The following KDM4C variants were observed in gnomAD, a reference collection of about 807,000 sequenced individuals.
The protein encoded by KDM4C is lysine demethylase 4C, also known as lysine-specific demethylase 4C.
KDM4C carries 81 observed loss-of-function variants against 129.3 expected under a neutral mutation model. The ratio of observed to expected loss-of-function variants is 0.63; its 90% confidence interval spans 0.52 to 0.75. KDM4C has a LOEUF of 0.75. Among genes scored for constraint, KDM4C ranks in the 30% least tolerant of loss-of-function variants. KDM4C has a pLI of 0.00. For synonymous variants in KDM4C, 573 were observed against 456.1 expected (o/e 1.26, Z -3.26); for missense variants, 1,457 against 1,304.0 (o/e 1.12, Z -1.81).
At position 6,939,959 on chromosome 9, in the gene KDM4C, A is replaced by AATCTATCTATCTACCTACCT. The variant is rs149769129; in HGVS notation, c.922-40965_922-40964insTCTATCTATCTACCTACCTA. On this transcript the variant is annotated intron_variant, in intron 8 of 21. Coordinates refer to ENST00000381309, the MANE Select transcript of KDM4C (RefSeq NM_015061.6). ...CCCATGTGCTTTAAATCCAATAACC[A>AATCTATCTATCTACCTACCT]ACCTACCTACCTACCTACCTTCCTT... 4.4e-5 allele frequency among the ~76,000 whole-genome samples: 5 copies of AATCTATCTATCTACCTACCT among 112,518 alleles called. No homozygotes were observed. In the South Asian group the frequency reaches 9.9e-4, roughly 22 times the overall value. 73.8% of individuals were successfully genotyped at this position (112,518 alleles called of 152,430 possible).
intron 5 of KDM4C, among the ~76,000 whole-genome samples, chr9:6,852,666 T>G (rs557750731): frequency 6.6e-6 from 1 of 152,302 alleles, no homozygotes; most frequent in East Asian, 1.9e-4. Context: ...GCTTGACATA[T>G]CTGTCACTAT....
rs141459674 is a variant in KDM4C, at chr9:7,043,478, A to G, written c.2260-3384A>G. Among the ~76,000 whole-genome samples, 33 of 152,194 alleles carry G rather than the reference A, an allele frequency of 2.2e-4. 1 individual carries two copies. In the East Asian group the frequency reaches 6.4e-3, roughly 29 times the overall value. On this transcript the variant is annotated intron_variant, in intron 15 of 21. Coordinates refer to ENST00000381309, the MANE Select transcript of KDM4C (RefSeq NM_015061.6). ...TTCTGTTCTCTGACAGTAAAGTACT[A>G]TTTAAAAAAGGAAAGAAAGGTTAAA...
chr9:6,930,877 G>A (rs1157629473), intron 8 of KDM4C, among the ~76,000 whole-genome samples: 6 of 151,980 alleles, frequency 3.9e-5, no homozygotes, highest in South Asian at 4.2e-4. Context: ...AAATACCTGG[G>A]GAATTTGCAA....
At chr9:7,014,953 C>CACACACACACA (rs757152128) in intron 14 of KDM4C, among the ~76,000 whole-genome samples, 1 of 146,610 alleles carries the variant, frequency 6.8e-6, no homozygotes, top group Admixed American at 6.9e-5. Context: ...CACACACACA[C>CACACACACACA]CTTACATTAT....
At chr9:7,076,395 G>C in intron 17 of KDM4C, 1 of 1,361,432 alleles carries the variant, frequency 7.3e-7, no homozygotes, top group Non-Finnish European at 1.0e-6. Context: ...ATTAAAATCT[G>C]GCATATTGGA....
chr9:6,875,998 G>C (rs1234068120), intron 5 of KDM4C, among the ~76,000 whole-genome samples: 1 of 152,202 alleles, frequency 6.6e-6, no homozygotes, highest in African/African-American at 2.4e-5. Context: ...GTGCAGTAGA[G>C]AAAGAGAACA....
At chr9:6,771,958 C>T (rs531553289) in intron 1 of KDM4C, among the ~76,000 whole-genome samples, 115 of 152,294 alleles carry the variant, frequency 7.6e-4, no homozygotes, top group Middle Eastern at 6.8e-3. Flanking sequence ...TTCCAGCCCC[C>T]CTGAGGGAGA....
intron 1 of KDM4C, among the ~76,000 whole-genome samples, chr9:6,731,325 C>CTTTTTTTT (rs34724329): frequency 3.5e-5 from 4 of 114,052 alleles, no homozygotes; most frequent in African/African-American, 6.6e-5. Flanking sequence ...TTTTTTTTTG[C>CTTTTTTTT]TTTTTTTTTT....
chr9:7,171,292 A>G (rs150401667), intron 21 of KDM4C, among the ~76,000 whole-genome samples: 1 of 152,326 alleles, frequency 6.6e-6, no homozygotes, highest in African/African-American at 2.4e-5. Context: ...CAAAGAAAAA[A>G]TTAAATATTC....
intron 19 of KDM4C, among the ~76,000 whole-genome samples, chr9:7,163,933 A>G (rs1263833774): frequency 6.6e-6 from 1 of 152,204 alleles, no homozygotes; most frequent in East Asian, 1.9e-4. Flanking sequence ...AGAAAAATGA[A>G]CAGCCGGGCC....
At chr9:6,925,584 T>C (rs759123085) in intron 8 of KDM4C, 35 of 985,332 alleles carry the variant, frequency 3.6e-5, no homozygotes, top group Non-Finnish European at 4.2e-5. Flanking sequence ...GGAGCCACCA[T>C]GCCTGGGCAG....
chr9:6,995,888 G>A (rs543374408), intron 12 of KDM4C, among the ~76,000 whole-genome samples: 43 of 134,226 alleles, frequency 3.2e-4, no homozygotes, highest in Non-Finnish European at 5.9e-4. Context: ...AGCCAGGATG[G>A]TCTCGATCTG....
chr9:6,903,775 A>T (rs778257120), intron 8 of KDM4C, among the ~76,000 whole-genome samples: 1 of 152,226 alleles, frequency 6.6e-6, no homozygotes, highest in Non-Finnish European at 1.5e-5. Flanking sequence ...TAAAAATAAA[A>T]ATATTTAATG....
chr9:7,087,312 C>A (rs1346532106), intron 17 of KDM4C, among the ~76,000 whole-genome samples: 3 of 150,998 alleles, frequency 2.0e-5, no homozygotes, highest in African/African-American at 7.3e-5. Flanking sequence ...ATTAAAATGA[C>A]ACAGAAACAT....
intron 1 of KDM4C, 32 bp from the exon 2 acceptor site, chr9:6,792,940 C>A: frequency 5.0e-6 from 8 of 1,607,746 alleles, no homozygotes; most frequent in Non-Finnish European, 6.8e-6. Flanking sequence ...TATAATAATT[C>A]AGTTCTGTTG....
At chr9:6,848,893 A>G (rs1838334847) in intron 4 of KDM4C, among the ~76,000 whole-genome samples, 2 of 152,230 alleles carry the variant, frequency 1.3e-5, no homozygotes. Context: ...AGAGGTAAAT[A>G]TTTATTTGAA....
chr9:7,038,486 G>T (rs1828021261), intron 15 of KDM4C, among the ~76,000 whole-genome samples: 1 of 152,060 alleles, frequency 6.6e-6, no homozygotes, highest in Non-Finnish European at 1.5e-5. Context: ...CCCAGTGGCT[G>T]TGGATTTACC....
At chr9:7,012,824 G>A (rs1304831302) in intron 13 of KDM4C, among the ~76,000 whole-genome samples, 1 of 152,066 alleles carries the variant, frequency 6.6e-6, no homozygotes, top group East Asian at 1.9e-4. Context: ...TGTGTTTTGG[G>A]TTATATTTTT....
chr9:6,824,451 A>G (rs939572633), intron 4 of KDM4C, among the ~76,000 whole-genome samples: 4 of 152,298 alleles, frequency 2.6e-5, no homozygotes, highest in Non-Finnish European at 5.9e-5. Flanking sequence ...GAGCTTCCCC[A>G]GTGTGCATTT....
Sources: gnomAD v4.1 joint callset for allele counts (sites outside exome capture counted in the v4.1 genomes callset) on GRCh38, gnomAD v4.1.1 for gene constraint, MANE v1.5 for transcripts, NCBI Gene and HGNC (gene_info 2026-07-23, HGNC 2026-07-21) for gene names.